The following FBXL13 variants were observed in gnomAD, a reference collection of about 807,000 sequenced individuals.
FBXL13 encodes F-box and leucine rich repeat protein 13, also known as F-box and leucine-rich repeat protein 13.
FBXL13 carries 67 observed loss-of-function variants against 83.6 expected under a neutral mutation model. The ratio of observed to expected loss-of-function variants is 0.80; its 90% CI spans 0.66 to 0.98. The LOEUF is 0.98. Ranked by LOEUF, FBXL13 falls within the 50% of genes least tolerant of loss-of-function variation. FBXL13 has a pLI of 0.00. For synonymous variants in FBXL13, 272 were observed against 299.5 expected (o/e 0.91, Z 0.95); for missense variants, 822 against 866.5 (o/e 0.95, Z 0.64).
At chr7:102,906,860 C>T (rs572319016) in intron 11 of FBXL13, among the ~76,000 whole-genome samples, 5 of 152,076 alleles carry the variant, frequency 3.3e-5, no homozygotes, top group Admixed American at 6.5e-5. Flanking sequence ...TGTTCTATAA[C>T]CTTCTTGTAC....
intron 18 of FBXL13, among the ~76,000 whole-genome samples, chr7:102,831,005 A>G (rs1338998309): frequency 2.0e-5 from 3 of 152,120 alleles, no homozygotes; most frequent in East Asian, 1.9e-4. Flanking sequence ...ACGCATCTCT[A>G]TTGTAAGCTT....
At chr7:102,955,120 A>G (rs1365722024) in intron 8 of FBXL13, among the ~76,000 whole-genome samples, 3 of 152,212 alleles carry the variant, frequency 2.0e-5, no homozygotes, top group African/African-American at 7.2e-5. Flanking sequence ...CACTTATTCT[A>G]AAATTGACCA....
chr7:102,892,674 AT>A (rs970117500), intron 11 of FBXL13, among the ~76,000 whole-genome samples: 2 of 152,162 alleles, frequency 1.3e-5, no homozygotes, highest in Admixed American at 6.5e-5. Context: ...AAATGCAACA[AT>A]TTTTTTAACC....
At chr7:103,018,796 T>C (rs2129487397) in intron 6 of FBXL13, among the ~76,000 whole-genome samples, 1 of 152,128 alleles carries the variant, frequency 6.6e-6, no homozygotes. Context: ...TATGTATGCA[T>C]CCAATACAGG....
intron 16 of FBXL13, among the ~76,000 whole-genome samples, chr7:102,863,770 C>T (rs1184366404): frequency 2.0e-5 from 3 of 152,130 alleles, no homozygotes; most frequent in African/African-American, 4.8e-5. Context: ...ATCTTGTCTC[C>T]AAGCCCTAAT....
chr7:103,064,556 T>C (rs1207487351), intron 1 of FBXL13, among the ~76,000 whole-genome samples: 1 of 152,210 alleles, frequency 6.6e-6, no homozygotes, highest in Admixed American at 6.5e-5. Flanking sequence ...AGAGACTGCT[T>C]TGAGATCCAA....
intron 2 of FBXL13, among the ~76,000 whole-genome samples, chr7:103,046,094 C>G (rs563852094): frequency 1.3e-5 from 2 of 152,206 alleles, no homozygotes; most frequent in Admixed American, 6.5e-5. Flanking sequence ...ACCCATAAAC[C>G]GAACCACCTA....
chr7:102,830,852 C>G (rs1243660515), intron 18 of FBXL13, among the ~76,000 whole-genome samples: 2 of 152,210 alleles, frequency 1.3e-5, no homozygotes, highest in Non-Finnish European at 2.9e-5. Flanking sequence ...CTTCCTTCTT[C>G]ATATTTTGCT....
At chr7:103,070,270 C>G (rs1404125248) in intron 1 of FBXL13, among the ~76,000 whole-genome samples, 1 of 152,008 alleles carries the variant, frequency 6.6e-6, no homozygotes, top group Non-Finnish European at 1.5e-5. Context: ...CTCACTCCAT[C>G]ACCCAGGCTG....
At chr7:102,848,229 C>T (rs1804379839) in intron 17 of FBXL13, among the ~76,000 whole-genome samples, 1 of 152,080 alleles carries the variant, frequency 6.6e-6, no homozygotes, top group South Asian at 2.1e-4. Context: ...TGTCTAGCTG[C>T]AAGATTTTCA....
intron 6 of FBXL13, among the ~76,000 whole-genome samples, chr7:103,008,814 T>C (rs904385101): frequency 1.3e-5 from 2 of 152,180 alleles, no homozygotes; most frequent in African/African-American, 4.8e-5. Flanking sequence ...CACCTCGGCC[T>C]CCCAAAGTGC....
chr7:103,045,142 T>G (rs1032202439), intron 2 of FBXL13, among the ~76,000 whole-genome samples: 2 of 152,174 alleles, frequency 1.3e-5, no homozygotes, highest in Non-Finnish European at 1.5e-5. Context: ...AAATTGGAAG[T>G]GAGGTACACA....
intron 1 of FBXL13, among the ~76,000 whole-genome samples, chr7:103,057,002 G>A (rs1797403193): frequency 6.6e-6 from 1 of 151,636 alleles, no homozygotes; most frequent in East Asian, 1.9e-4. Context: ...CTTTTTGATG[G>A]GATTGCTTTT....
intron 7 of FBXL13, among the ~76,000 whole-genome samples, chr7:102,966,317 A>G (rs1825960067): frequency 1.3e-5 from 2 of 152,192 alleles, no homozygotes; most frequent in African/African-American, 4.8e-5. Flanking sequence ...GATGGGGCCT[A>G]AGAATTTGCA....
chr7:102,973,798 A>C (rs536398893), intron 6 of FBXL13: 2 of 744,770 alleles, frequency 2.7e-6, no homozygotes, highest in East Asian at 2.5e-5. Flanking sequence ...CCCGGTTAAC[A>C]AGGAAAAATC....
At chr7:103,046,243 C>G (rs1796261156) in intron 2 of FBXL13, among the ~76,000 whole-genome samples, 1 of 152,208 alleles carries the variant, frequency 6.6e-6, no homozygotes, top group Non-Finnish European at 1.5e-5. Flanking sequence ...AGAAGCTGCA[C>G]AGGTACTTTT....
At chr7:102,822,363 T>C in intron 18 of FBXL13, 160 bp from the exon 20 acceptor site, 1 of 760,030 alleles carries the variant, frequency 1.3e-6, no homozygotes, top group Non-Finnish European at 2.3e-6. Context: ...AGTCCAAGAC[T>C]GAGATAAAGA....
intron 10 of FBXL13, among the ~76,000 whole-genome samples, chr7:102,923,988 C>T (rs897894054): frequency 6.6e-6 from 1 of 151,846 alleles, no homozygotes; most frequent in Non-Finnish European, 1.5e-5. Context: ...ACTTGTAATC[C>T]CAGCACTTTG....
intron 17 of FBXL13, among the ~76,000 whole-genome samples, chr7:102,849,298 C>T (rs139571714): frequency 1.4e-3 from 211 of 152,248 alleles, no homozygotes; most frequent in Admixed American, 0.011. Context: ...AAAGAACTAA[C>T]GTTGGAGAAA....
Sources: gnomAD v4.1 joint callset for allele counts (sites outside exome capture counted in the v4.1 genomes callset) on GRCh38, gnomAD v4.1.1 for gene constraint, MANE v1.5 for transcripts, NCBI Gene and HGNC (gene_info 2026-07-23, HGNC 2026-07-21) for gene names.